ASCC1: variants seen among roughly 807,000 people sequenced by gnomAD.
The protein encoded by ASCC1 is activating signal cointegrator 1 complex subunit 1.
In ASCC1, 35 loss-of-function variants were observed where a neutral mutation model predicts 46.6. The ratio of observed to expected loss-of-function variants is 0.75; its 90% CI spans 0.57 to 0.99. ASCC1 has a LOEUF of 0.99. Ranked by LOEUF, ASCC1 falls within the 50% of genes least tolerant of loss-of-function variation. The pLI, the probability that ASCC1 is intolerant of heterozygous loss-of-function variation, is 0.00. For synonymous variants in ASCC1, 143 were observed against 146.6 expected (o/e 0.98, Z 0.18); for missense variants, 376 against 428.7 (o/e 0.88, Z 1.09).
At chr10:72,098,295 C>T (rs995697184) in intron 9 of ASCC1, among the ~76,000 whole-genome samples, 1 of 152,164 alleles carries the variant, frequency 6.6e-6, no homozygotes, top group Non-Finnish European at 1.5e-5. Context: ...GAGTAAAGAG[C>T]GTACCTTCCT....
chr10:72,191,767 C>T (rs1234492202), intron 5 of ASCC1, among the ~76,000 whole-genome samples: 1 of 151,938 alleles, frequency 6.6e-6, no homozygotes. Flanking sequence ...CTGCCTCAGC[C>T]TCCCTAGTAG....
intron 9 of ASCC1, among the ~76,000 whole-genome samples, chr10:72,110,015 T>C (rs1244287688): frequency 6.6e-6 from 1 of 152,196 alleles, no homozygotes; most frequent in Non-Finnish European, 1.5e-5. Context: ...TATTACTGCT[T>C]TACCTGACAA....
intron 5 of ASCC1, among the ~76,000 whole-genome samples, chr10:72,183,534 A>G (rs1203773944): frequency 1.3e-5 from 2 of 152,190 alleles, no homozygotes; most frequent in African/African-American, 4.8e-5. Flanking sequence ...TTATAGTACC[A>G]GCTACTCGGG....
chr10:72,129,038 G>A (rs1428131189), intron 8 of ASCC1, among the ~76,000 whole-genome samples: 1 of 152,148 alleles, frequency 6.6e-6, no homozygotes, highest in African/African-American at 2.4e-5. Context: ...TTATAAGTAA[G>A]GAGGGTACTA....
chr10:72,143,147 C>T (rs1422504605), intron 7 of ASCC1, among the ~76,000 whole-genome samples: 2 of 131,280 alleles, frequency 1.5e-5, no homozygotes, highest in East Asian at 2.2e-4. Context: ...GGTGACAGAG[C>T]GAGACTCCGT....
intron 9 of ASCC1, among the ~76,000 whole-genome samples, chr10:72,122,717 G>A (rs1844353834): frequency 6.6e-6 from 1 of 152,040 alleles, no homozygotes; most frequent in African/African-American, 2.4e-5. Flanking sequence ...GTTCGAGGCT[G>A]CGATGAGCTA....
intron 9 of ASCC1, among the ~76,000 whole-genome samples, chr10:72,117,376 T>C (rs1288240251): frequency 6.6e-6 from 1 of 152,220 alleles, no homozygotes; most frequent in Non-Finnish European, 1.5e-5. Context: ...TACTGCCATA[T>C]GCCTGGAAGC....
intron 8 of ASCC1, 109 bp downstream of exon 8, chr10:72,132,948 A>T: frequency 6.9e-7 from 1 of 1,441,132 alleles, no homozygotes; most frequent in Admixed American, 1.7e-5. Context: ...TAAGAGGTCT[A>T]AAAAAGAAGC....
intron 4 of ASCC1, among the ~76,000 whole-genome samples, 199 bp from the exon 5 acceptor site, chr10:72,197,188 T>C (rs1436284138): frequency 1.3e-5 from 2 of 152,026 alleles, no homozygotes; most frequent in African/African-American, 2.4e-5. Context: ...TAGAATATCC[T>C]TGGCCGGGCA....
At chr10:72,137,920 G>A (rs1347601281) in intron 7 of ASCC1, among the ~76,000 whole-genome samples, 1 of 151,722 alleles carries the variant, frequency 6.6e-6, no homozygotes, top group Admixed American at 6.6e-5. Context: ...CTAGAGTGCA[G>A]TGGCACGATC....
chr10:72,168,062 G>A (rs891684318), intron 5 of ASCC1, among the ~76,000 whole-genome samples: 24 of 152,248 alleles, frequency 1.6e-4, no homozygotes, highest in African/African-American at 5.1e-4. Flanking sequence ...GTGGTGGCAC[G>A]CGCCTGTAGT....
Position 72,128,186 on chromosome 10 carries a change from T to C in ASCC1, c.872-19A>G. 6.3e-7 allele frequency: 1 copy of C among 1,597,996 alleles called. No homozygotes were observed. The highest frequency in any genetic ancestry group is 8.6e-7 in the Non-Finnish European group (1 of 1,165,576). ...CCTTCAGCTGTAAATATTCCAAAGA[T>C]AATGTTAGAAGCTTAGATTGATTGG... On this transcript the variant is annotated intron_variant, in intron 8 of 9. Transcript: ENST00000672957.
At chr10:72,211,000 G>A (rs181509612) in intron 2 of ASCC1, among the ~76,000 whole-genome samples, 169 bp from the exon 3 acceptor site, 7 of 152,164 alleles carry the variant, frequency 4.6e-5, no homozygotes, top group East Asian at 1.9e-4. Context: ...CTTCTGACCC[G>A]ATCGTATAGG....
rs544509665 is a variant in ASCC1 at position 72,181,020 on chromosome 10, C to T, written c.489+15791G>A. 2.9e-3 allele frequency: 442 copies of T among 154,290 alleles called. 4 individuals carry two copies. Among genetic ancestry groups the T allele is most frequent in the African/African-American group, 0.01 (417 of 41,646 alleles). 9.6% of individuals were successfully genotyped at this position (154,290 alleles called of 1,614,324 possible). The stretch of plus-strand genomic sequence containing the variant: ...CTCACTCTGTCACCAGGCTAGAGTG[C>T]GGTGGCACGATCTTGGCTCACTGCA... On this transcript the variant is annotated intron_variant, in intron 5 of 9. Coordinates refer to ENST00000672957, the MANE Select transcript of ASCC1 (RefSeq NM_001198800.3).
intron 9 of ASCC1, among the ~76,000 whole-genome samples, chr10:72,110,370 G>A (rs1344441585): frequency 6.6e-6 from 1 of 152,194 alleles, no homozygotes; most frequent in East Asian, 1.9e-4. Context: ...TGGGAGGCTG[G>A]GCACAAAGTG....
rs188317822 is a variant in ASCC1 at position 72,162,660 on chromosome 10, G to A, written c.490-986C>T. On this transcript the variant is annotated intron_variant, in intron 5 of 9. Coordinates refer to ENST00000672957, the MANE Select transcript of ASCC1 (RefSeq NM_001198800.3). ...GAACCCAATTTTAAAATGGGAAAAG[G>A]GACCAGGCACAGTGGCTCACGCCTG... 1.1e-3 allele frequency among the ~76,000 whole-genome samples: 171 copies of A among 152,032 alleles called. 1 individual carries two copies. In the East Asian group the frequency reaches 0.013, roughly 12 times the overall value.
chr10:72,172,615 G>C (rs1851263881), intron 5 of ASCC1, among the ~76,000 whole-genome samples: 1 of 145,564 alleles, frequency 6.9e-6, no homozygotes, highest in African/African-American at 2.5e-5. Flanking sequence ...CAAAGCGCTG[G>C]GATTACAGGC....
chr10:72,129,282 A>G (rs916031817), intron 8 of ASCC1, among the ~76,000 whole-genome samples: 1 of 152,260 alleles, frequency 6.6e-6, no homozygotes, highest in East Asian at 1.9e-4. Context: ...TACCAAATAA[A>G]TATCAAAAAG....
chr10:72,174,548 C>G (rs1026430064), intron 5 of ASCC1, among the ~76,000 whole-genome samples: 8 of 152,208 alleles, frequency 5.3e-5, no homozygotes. Flanking sequence ...AGCTCACACT[C>G]CACTACATGC....
Sources: gnomAD v4.1 joint callset for allele counts (sites outside exome capture counted in the v4.1 genomes callset) on GRCh38, gnomAD v4.1.1 for gene constraint, MANE v1.5 for transcripts, NCBI Gene and HGNC (gene_info 2026-07-23, HGNC 2026-07-21) for gene names.